Variants in SPATA6L observed in about 807,000 individuals in gnomAD.
The protein encoded by SPATA6L is spermatogenesis associated 6 like.
Under a neutral mutation model 49.2 loss-of-function variants are expected in SPATA6L, and 68 were observed. That is an observed-to-expected ratio of 1.38 (90% confidence interval 1.14 to 1.69). The LOEUF (loss-of-function observed/expected upper bound fraction) is 1.69, where lower values mean the gene tolerates loss of function less well. Ranked by LOEUF, SPATA6L falls within the 40% of genes most tolerant of loss-of-function variation. SPATA6L has a pLI of 0.00. For missense variants in SPATA6L, 668 were observed against 464.3 expected (o/e 1.44, Z -4.03); for synonymous variants, 198 against 165.7 (o/e 1.19, Z -1.50).
exon 14 of SPATA6L, chr9:4,588,876 A>G (rs1821724323): frequency 6.6e-6 from 1 of 152,210 alleles, no homozygotes. Flanking sequence ...GATTCTTAGA[A>G]GAGCCATGGG....
intron 3 of SPATA6L, among the ~76,000 whole-genome samples, chr9:4,648,465 C>G (rs1223232714): frequency 6.6e-6 from 1 of 151,916 alleles, no homozygotes; most frequent in East Asian, 1.9e-4. Context: ...TTTGGGAGGC[C>G]GAGGCGGGCG....
At chr9:4,629,428 A>T (rs1199731013) in intron 4 of SPATA6L, among the ~76,000 whole-genome samples, 1 of 152,122 alleles carries the variant, frequency 6.6e-6, no homozygotes, top group Admixed American at 6.5e-5. Context: ...TTATAATAGT[A>T]TCTCCTCAAC....
rs998456456 is a variant in SPATA6L, at chr9:4,606,205, G to A, written c.996-765C>T. Among the ~76,000 whole-genome samples the A allele has an allele frequency of 1.8e-3, 263 of 150,234 alleles. 2 individuals are homozygous for A. Among genetic ancestry groups the A allele is most frequent in the Admixed American group, 3.0e-3 (45 of 15,098 alleles). On this transcript the variant is annotated intron_variant, in intron 9 of 11. Coordinates refer to ENST00000682582, the MANE Select transcript of SPATA6L (RefSeq NM_001353486.2). ...GCAGTCTGAGATCAAACTGCAAGGC[G>A]GCAGCGAGGCTGGGGGAGGGGCGCC... is the stretch of plus-strand genomic sequence containing the variant.
At chr9:4,659,716 G>A (rs905554401) in intron 2 of SPATA6L, among the ~76,000 whole-genome samples, 49 of 152,252 alleles carry the variant, frequency 3.2e-4, no homozygotes, top group African/African-American at 1.2e-3. Flanking sequence ...AGCCCGCATT[G>A]CCAAGACAAT....
chr9:4,662,191 C>T lies in SPATA6L; in HGVS notation c.40-155G>A. ...GTACCTCCCAACGCCAACATCCTCC[C>T]CTCTGCTCTCCTCACATTGGAAATT... is the stretch of plus-strand genomic sequence containing the variant. On this transcript the variant is annotated intron_variant, in intron 1 of 11. Coordinates refer to ENST00000682582, the MANE Select transcript of SPATA6L (RefSeq NM_001353486.2). This position sits in a 1 kb window ranked among gnomAD's most constrained non-coding sequence, Gnocchi z 4.9. 6.9e-7 allele frequency: 1 copy of T among 1,440,130 alleles called. No homozygotes were observed. Among genetic ancestry groups the T allele is most frequent in the Non-Finnish European group, 9.1e-7 (1 of 1,101,122 alleles). 89.2% of individuals were successfully genotyped at this position (1,440,130 alleles called of 1,614,324 possible). A position where few individuals can be genotyped will look rare whatever the true frequency, so the allele number is the denominator to read the frequency against.
chr9:4,641,243 T>G (rs552984653), intron 3 of SPATA6L, among the ~76,000 whole-genome samples: 1 of 152,150 alleles, frequency 6.6e-6, no homozygotes, highest in Non-Finnish European at 1.5e-5. Flanking sequence ...CGTGTTTATA[T>G]ATACTGTATT....
At chr9:4,592,516 C>A (rs187836938) in intron 13 of SPATA6L, among the ~76,000 whole-genome samples, 4 of 152,154 alleles carry the variant, frequency 2.6e-5, no homozygotes, top group African/African-American at 9.7e-5. Flanking sequence ...TAAGCAACTT[C>A]CCCAAAGACC....
chr9:4,613,721 C>T (rs577140425), intron 9 of SPATA6L, among the ~76,000 whole-genome samples: 2 of 152,154 alleles, frequency 1.3e-5, no homozygotes, highest in African/African-American at 4.8e-5. Flanking sequence ...GTAGCTGAGA[C>T]TACAGGTATA....
intron 11 of SPATA6L, among the ~76,000 whole-genome samples, chr9:4,601,557 G>A (rs754784700): frequency 4.6e-5 from 7 of 152,060 alleles, no homozygotes; most frequent in African/African-American, 1.7e-4. Context: ...TCAGACAATG[G>A]GACTCATTGT....
intron 3 of SPATA6L, among the ~76,000 whole-genome samples, chr9:4,649,042 T>C (rs1034364359): frequency 2.2e-5 from 3 of 137,616 alleles, no homozygotes; most frequent in African/African-American, 8.3e-5. Flanking sequence ...TTCCATCATA[T>C]ATAATGGAAT....
chr9:4,596,323 G>C (rs779104521), downstream of SPATA6L: 48 of 152,298 alleles, frequency 3.2e-4, 1 homozygote, highest in Admixed American at 2.2e-3. Flanking sequence ...GCAGGGCTGG[G>C]AGGAGACCCA....
At chr9:4,640,178 T>A (rs1177771304) in intron 3 of SPATA6L, among the ~76,000 whole-genome samples, 2 of 152,152 alleles carry the variant, frequency 1.3e-5, no homozygotes, top group African/African-American at 4.8e-5. Flanking sequence ...ATCTCAGAGG[T>A]TAATAAAAAG....
At chr9:4,626,442 A>G (rs1326156610) in intron 5 of SPATA6L, 1 of 1,304,368 alleles carries the variant, frequency 7.7e-7, no homozygotes, top group Non-Finnish European at 1.0e-6. Context: ...ATTCCTGAAG[A>G]AGCATCCAGG....
chr9:4,605,737 CCTA>C (rs60040111), intron 9 of SPATA6L, among the ~76,000 whole-genome samples: 3,528 of 152,152 alleles, frequency 0.023, 131 homozygotes, highest in African/African-American at 0.081. Context: ...ATGAACAAAC[CCTA>C]CTTTTACATT....
chr9:4,650,144 TACTC>T (rs1836456515), intron 3 of SPATA6L, among the ~76,000 whole-genome samples: 1 of 152,224 alleles, frequency 6.6e-6, no homozygotes, highest in East Asian at 1.9e-4. Context: ...TGTAGGTACT[TACTC>T]ACTCTTTGCC....
Position 4,635,279 on chromosome 9 carries a change from A to G in SPATA6L, c.347T>C (p.Phe116Ser). ...REVLMKTALG[F>S]PGIAPKIEFS... is the part of the protein sequence containing the mutation. Reference sequence around the variant, plus strand: ...AGATGAGCATGAATCACTTACTGGAAAACCCAGAGCCGTCTTCATGAGCAC... The same window carrying G: ...AGATGAGCATGAATCACTTACTGGAGAACCCAGAGCCGTCTTCATGAGCAC... The change falls in exon 4 of 12, where the codon TTT (phenylalanine) becomes TCT (serine). Residue 116 changes from phenylalanine to serine, a missense_variant. By Grantham distance (155) the Phe-to-Ser change is radical (BLOSUM62 -2). Transcript: ENST00000682582. The G allele has an allele frequency of 6.6e-7, 1 of 1,516,168 alleles. No individual in the cohort carries two copies. The highest frequency in any genetic ancestry group is 8.7e-7 in the Non-Finnish European group (1 of 1,144,070). The allele number at this position is 1,516,168 out of a possible 1,614,324, so 93.9% of individuals were successfully genotyped here.
intron 2 of SPATA6L, 118 bp from the exon 3 acceptor site, chr9:4,656,207 G>A: frequency 2.6e-6 from 2 of 757,792 alleles, no homozygotes; most frequent in South Asian, 3.3e-5. Context: ...GGGAGGCCGA[G>A]GTGGGTGTAT....
intron 1 of SPATA6L, among the ~76,000 whole-genome samples, chr9:4,665,696 G>C (rs1221055871): frequency 6.6e-6 from 1 of 152,186 alleles, no homozygotes; most frequent in Non-Finnish European, 1.5e-5. Flanking sequence ...ACTTCACTTA[G>C]GAAGGATTTG....
intron 7 of SPATA6L, among the ~76,000 whole-genome samples, chr9:4,619,197 G>A (rs1359867260): frequency 1.3e-4 from 17 of 130,768 alleles, no homozygotes; most frequent in Middle Eastern, 5.4e-3. Context: ...TCACACTGTC[G>A]CCCAGGCTGG....
Sources: allele counts gnomAD v4.1 joint callset (sites outside exome capture counted in the v4.1 genomes callset), GRCh38; gene constraint gnomAD v4.1.1; non-coding constraint Gnocchi (gnomAD v3.1); transcripts MANE v1.5; gene names NCBI Gene and HGNC (gene_info 2026-07-23, HGNC 2026-07-21).